The following SEL1L2 variants were observed in gnomAD, a reference collection of about 807,000 sequenced individuals.
The protein encoded by SEL1L2 is protein sel-1 homolog 2.
In SEL1L2, 89 loss-of-function variants were observed where a neutral mutation model predicts 98.8. That is an observed-to-expected ratio of 0.90 (90% CI 0.76 to 1.07). The LOEUF (loss-of-function observed/expected upper bound fraction) is 1.07, where lower values mean the gene tolerates loss of function less well. Among genes scored for constraint, SEL1L2 ranks in the 50% least tolerant of loss-of-function variants. The pLI is 0.00. For synonymous variants in SEL1L2, 262 were observed against 278.5 expected, an observed-to-expected ratio of 0.94 and a Z score of 0.59; for missense variants, 788 against 812.0, an observed-to-expected ratio of 0.97 and a Z score of 0.36.
chr20:13,902,543 C>A (rs976071942), intron 5 of SEL1L2, among the ~76,000 whole-genome samples: 1 of 152,218 alleles, frequency 6.6e-6, no homozygotes, highest in South Asian at 2.1e-4. Context: ...CAGCTTTAGC[C>A]GGTGGGAGCC....
At chr20:13,934,089 C>T (rs1024603078) in intron 2 of SEL1L2, among the ~76,000 whole-genome samples, 1 of 149,870 alleles carries the variant, frequency 6.7e-6, no homozygotes, top group African/African-American at 2.5e-5. Context: ...TACACGGAAC[C>T]CAATTTGTAG....
chr20:13,876,982 C>T (rs2046462157), intron 11 of SEL1L2, among the ~76,000 whole-genome samples: 1 of 152,184 alleles, frequency 6.6e-6, no homozygotes, highest in Non-Finnish European at 1.5e-5. Flanking sequence ...CGCCACCACA[C>T]CTAGCTAATT....
At chr20:13,890,410 C>T (rs542393530) in intron 5 of SEL1L2, among the ~76,000 whole-genome samples, 1 of 151,876 alleles carries the variant, frequency 6.6e-6, no homozygotes, top group Non-Finnish European at 1.5e-5. Context: ...AAAAAACTGG[C>T]AAACCACTCT....
intron 2 of SEL1L2, among the ~76,000 whole-genome samples, chr20:13,947,190 C>T (rs1183644376): frequency 1.3e-5 from 2 of 152,046 alleles, no homozygotes; most frequent in Non-Finnish European, 2.9e-5. Flanking sequence ...TTTAGGCCGA[C>T]CCATGGCCAC....
chr20:13,953,248 C>T (rs976763379), intron 2 of SEL1L2, among the ~76,000 whole-genome samples: 2 of 152,118 alleles, frequency 1.3e-5, no homozygotes, highest in Non-Finnish European at 1.5e-5. Context: ...TTACCCATCC[C>T]TTTTTTCTCG....
chr20:13,861,978 T>C (rs1990214269), intron 17 of SEL1L2, among the ~76,000 whole-genome samples: 1 of 152,180 alleles, frequency 6.6e-6, no homozygotes, highest in Non-Finnish European at 1.5e-5. Context: ...CTCATCTCCA[T>C]GTTTTATTTC....
At chr20:13,883,790 T>G (rs2046821499) in intron 10 of SEL1L2, among the ~76,000 whole-genome samples, 1 of 152,232 alleles carries the variant, frequency 6.6e-6, no homozygotes, top group Admixed American at 6.5e-5. Flanking sequence ...TGGTTTGTCT[T>G]CCCTACAGCT....
intron 2 of SEL1L2, among the ~76,000 whole-genome samples, chr20:13,941,602 T>C (rs2049778105): frequency 6.6e-6 from 1 of 152,158 alleles, no homozygotes; most frequent in Admixed American, 6.5e-5. Flanking sequence ...TGATAGGAGA[T>C]TCCATTTACA....
chr20:13,957,600 G>C (rs137935683), intron 1 of SEL1L2, among the ~76,000 whole-genome samples: 65 of 152,246 alleles, frequency 4.3e-4, no homozygotes, highest in African/African-American at 1.6e-3. Flanking sequence ...AATTAGGCTG[G>C]GTATGGCAGC....
intron 2 of SEL1L2, among the ~76,000 whole-genome samples, chr20:13,940,603 T>C (rs2049721550): frequency 6.6e-6 from 1 of 152,190 alleles, no homozygotes; most frequent in African/African-American, 2.4e-5. Context: ...AAGACTATTC[T>C]GGCTGACATG....
chr20:13,930,890 C>G (rs545558381), intron 3 of SEL1L2, among the ~76,000 whole-genome samples: 1 of 152,044 alleles, frequency 6.6e-6, no homozygotes, highest in South Asian at 2.1e-4. Context: ...ATCAACCTTC[C>G]TTATTATCAT....
rs112839222 is a variant in SEL1L2 at position 13,967,975 on chromosome 20, G to A, written c.59-11844C>T. Among the ~76,000 whole-genome samples, 553 of 152,210 alleles carry A rather than the reference G, an allele frequency of 3.6e-3. 4 individuals carry two copies. The highest frequency in any genetic ancestry group is 5.9e-3 in the Non-Finnish European group (402 of 68,010). On this transcript the variant is annotated intron_variant, in intron 1 of 19. Transcript: ENST00000284951. Reference sequence around the variant, plus strand: ...AGGTCTCTAAATACAAATACATTTTGATGTATTTTTATATATTTGGTAATA... The same window carrying A: ...AGGTCTCTAAATACAAATACATTTTAATGTATTTTTATATATTTGGTAATA...
At chr20:13,856,143 T>G (rs1018999056) in intron 18 of SEL1L2, among the ~76,000 whole-genome samples, 2 of 148,990 alleles carry the variant, frequency 1.3e-5, no homozygotes, top group Non-Finnish European at 3.0e-5. Flanking sequence ...TTTCTTTGTT[T>G]TTTGGGGTTT....
intron 4 of SEL1L2, among the ~76,000 whole-genome samples, chr20:13,917,786 CTTTTTTTTTTTTTT>C (rs5840588): frequency 1.2e-4 from 6 of 50,104 alleles, no homozygotes; most frequent in East Asian, 1.7e-3. Flanking sequence ...TTCTTTCTTT[CTTTTTTTTTTTTTT>C]TTTTTTTTTT....
intron 5 of SEL1L2, among the ~76,000 whole-genome samples, chr20:13,901,984 A>G (rs114167053): frequency 0.023 from 3,468 of 152,212 alleles, 123 homozygotes; most frequent in African/African-American, 0.08. Flanking sequence ...TTTTAATTAC[A>G]TATAGATTAA....
Position 13,929,705 on chromosome 20 carries a change from G to T in SEL1L2, c.283+1898C>A, listed in dbSNP as rs6042433. On this transcript the variant is annotated intron_variant, in intron 3 of 19. Transcript: ENST00000284951. ...TTAGCAGAGACGGGGTTTCACCGTGGTAGCCAGGATGGTCTCGATCTCCTG... is the reference window on the plus strand; with the variant it reads ...TTAGCAGAGACGGGGTTTCACCGTGTTAGCCAGGATGGTCTCGATCTCCTG... Among the ~76,000 whole-genome samples, 455 of 151,476 alleles carry T rather than the reference G, an allele frequency of 3.0e-3. 1 individual carries two copies. The highest frequency in any genetic ancestry group is 0.011 in the African/African-American group (434 of 41,330).
At chr20:13,983,040 A>AAAAAAAAAAAAAAAAAAAAAAAAAAAC in intron 1 of SEL1L2, among the ~76,000 whole-genome samples, 1 of 142,688 alleles carries the variant, frequency 7.0e-6, no homozygotes, top group Non-Finnish European at 1.5e-5. Context: ...AAAAAAAAAA[A>AAAAAAAAAAAAAAAAAAAAAAAAAAAC]AAAAAAAAGC....
chr20:13,857,960 T>C (rs1989425779), intron 18 of SEL1L2, among the ~76,000 whole-genome samples: 4 of 152,172 alleles, frequency 2.6e-5, no homozygotes. Context: ...CCAAGAATTA[T>C]CCAATTTAGC....
chr20:13,931,148 A>G (rs1404970578), intron 3 of SEL1L2, among the ~76,000 whole-genome samples: 1 of 150,848 alleles, frequency 6.6e-6, no homozygotes, highest in Non-Finnish European at 1.5e-5. Context: ...GGTTCATGCC[A>G]TCCTCCTGCC....
Sources: allele counts gnomAD v4.1 joint callset (sites outside exome capture counted in the v4.1 genomes callset), GRCh38; gene constraint gnomAD v4.1.1; transcripts MANE v1.5; gene names NCBI Gene and HGNC (gene_info 2026-07-23, HGNC 2026-07-21).